The following CLEC12A variants were observed in gnomAD, a reference collection of about 807,000 sequenced individuals.
The protein encoded by CLEC12A is C-type lectin protein CLL-1.
Under a neutral mutation model 26.5 loss-of-function variants are expected in CLEC12A, and 22 were observed. The ratio of observed to expected loss-of-function variants is 0.83; its 90% CI spans 0.59 to 1.19. The LOEUF (loss-of-function observed/expected upper bound fraction) is 1.19, where lower values mean the gene tolerates loss of function less well. Ranked by LOEUF, CLEC12A falls within the 50% of genes most tolerant of loss-of-function variation. CLEC12A has a pLI of 0.00. For missense variants in CLEC12A, 353 were observed against 315.6 expected, an observed-to-expected ratio of 1.12 and a Z score of -0.90; for synonymous variants, 119 against 101.9, an observed-to-expected ratio of 1.17 and a Z score of -1.01.
chr12:9,951,301 A>G (rs770891179), upstream of CLEC12A: 1 of 702,726 alleles, frequency 1.4e-6, no homozygotes, highest in Non-Finnish European at 2.6e-6. Context: ...CCCCAACCAC[A>G]TTTCTGATTG....
At chr12:9,956,980 A>AT (rs902516219) in intron 1 of CLEC12A, among the ~76,000 whole-genome samples, 2 of 135,220 alleles carry the variant, frequency 1.5e-5, no homozygotes, top group East Asian at 2.5e-4. Flanking sequence ...ATAAAAACTA[A>AT]TTTTTAAAAA....
At chr12:9,981,374 C>T (rs1864548514) in intron 4 of CLEC12A, among the ~76,000 whole-genome samples, 1 of 152,100 alleles carries the variant, frequency 6.6e-6, no homozygotes. Flanking sequence ...TCTCACATAG[C>T]AATCATATAT....
the CLEC12A span, among the ~76,000 whole-genome samples, chr12:10,005,418 G>A: frequency 1.3e-5 from 2 of 152,154 alleles, no homozygotes; most frequent in Non-Finnish European, 2.9e-5. Flanking sequence ...TTGGACAATT[G>A]CCCAGGTTTC....
intron 1 of CLEC12A, among the ~76,000 whole-genome samples, chr12:9,957,879 A>G (rs1863768718): frequency 6.6e-6 from 1 of 152,236 alleles, no homozygotes; most frequent in Non-Finnish European, 1.5e-5. Context: ...GGGGACCCCA[A>G]GATTTATTTT....
chr12:9,958,489 T>C (rs535648341), intron 1 of CLEC12A, among the ~76,000 whole-genome samples: 4 of 152,332 alleles, frequency 2.6e-5, no homozygotes, highest in African/African-American at 9.6e-5. Flanking sequence ...GGACTGGCTT[T>C]ATAATGATGT....
At chr12:9,958,820 T>C (rs1176516047) in intron 1 of CLEC12A, among the ~76,000 whole-genome samples, 3 of 152,166 alleles carry the variant, frequency 2.0e-5, no homozygotes, top group Non-Finnish European at 1.5e-5. Context: ...GGAGACAAGA[T>C]AGGGTAATCA....
At chr12:9,993,314 C>A (rs1591846599) in intron 4 of CLEC12A, 2 of 1,586,684 alleles carry the variant, frequency 1.3e-6, no homozygotes, top group Middle Eastern at 1.7e-4. Context: ...AGAATAAATT[C>A]CTTTGAAAAC....
At chr12:9,961,521 A>G (rs1392813893) in intron 1 of CLEC12A, among the ~76,000 whole-genome samples, 1 of 152,236 alleles carries the variant, frequency 6.6e-6, no homozygotes, top group Non-Finnish European at 1.5e-5. Context: ...CTTGTATCAG[A>G]TGAAAGAAAC....
At chr12:9,982,982 A>G (rs1407700123) in intron 5 of CLEC12A, among the ~76,000 whole-genome samples, 1 of 152,046 alleles carries the variant, frequency 6.6e-6, no homozygotes, top group Non-Finnish European at 1.5e-5. Flanking sequence ...TCTTTTTTAT[A>G]CTTGAGTAGT....
chr12:9,992,484 G>C (rs1353628523), intron 4 of CLEC12A: 1 of 152,048 alleles, frequency 6.6e-6, no homozygotes, highest in African/African-American at 2.4e-5. Context: ...TTTCGGGTTG[G>C]TGCTGGTAAG....
In CLEC12A at chr12:9,971,534, CT is replaced by C. The variant is rs1565553897; in HGVS notation, c.-62del. 1 of 1,569,558 alleles carries C rather than the reference CT, an allele frequency of 6.4e-7. No individual in the cohort carries two copies. The highest frequency in any genetic ancestry group is 8.6e-7 in the Non-Finnish European group (1 of 1,160,538). ...TATAGGTCCTGTTTAACATTCAGCT[CT>C]GTTAACTCACTCATCTTTTTGTGTT... On this transcript the variant is annotated 5_prime_UTR_variant, in exon 1 of 6. Transcript: ENST00000304361.
At chr12:9,991,344 A>C (rs1170403057) in intron 4 of CLEC12A, 1 of 152,214 alleles carries the variant, frequency 6.6e-6, no homozygotes, top group Non-Finnish European at 1.5e-5. Flanking sequence ...ATTGGCCTAC[A>C]TTTTTAATTG....
At chr12:9,970,191 G>A (rs1051921055), upstream of CLEC12A, among the ~76,000 whole-genome samples, 1 of 150,922 alleles carries the variant, frequency 6.6e-6, no homozygotes. Context: ...CAGTATTGAC[G>A]CTTCTAATCC....
chr12:10,002,683 C>G, the CLEC12A span, among the ~76,000 whole-genome samples: 1 of 152,174 alleles, frequency 6.6e-6, no homozygotes, highest in Admixed American at 6.5e-5. Context: ...ACCTCGTGAT[C>G]CGCCCGCCTC....
chr12:9,999,004 A>T, downstream of CLEC12A: 4 of 1,272,224 alleles, frequency 3.1e-6, no homozygotes, highest in Admixed American at 1.9e-5. Context: ...TTTTTAAATT[A>T]ATTTCCAAAT....
downstream of CLEC12A, among the ~76,000 whole-genome samples, chr12:10,000,079 G>C (rs758636313): frequency 1.8e-4 from 27 of 152,192 alleles, no homozygotes; most frequent in Non-Finnish European, 3.1e-4. Flanking sequence ...TTTTGCCATA[G>C]GGTAACTCTT....
intron 4 of CLEC12A, chr12:9,992,274 T>C (rs1446264536): frequency 2.0e-5 from 3 of 152,144 alleles, no homozygotes; most frequent in African/African-American, 7.2e-5. Flanking sequence ...GAAGCATTTA[T>C]TCATTTTACA....
chr12:9,987,863 C>T (rs1422774021), downstream of CLEC12A, among the ~76,000 whole-genome samples: 1 of 151,746 alleles, frequency 6.6e-6, no homozygotes, highest in African/African-American at 2.4e-5. Flanking sequence ...GGCTGGAGTG[C>T]AGTGGCATGA....
chr12:9,993,314 C>T, intron 4 of CLEC12A: 1 of 1,586,566 alleles, frequency 6.3e-7, no homozygotes, highest in East Asian at 2.3e-5. Flanking sequence ...AGAATAAATT[C>T]CTTTGAAAAC....
Sources: gnomAD v4.1 joint callset for allele counts (sites outside exome capture counted in the v4.1 genomes callset) on GRCh38, gnomAD v4.1.1 for gene constraint, MANE v1.5 for transcripts, NCBI Gene and HGNC (gene_info 2026-07-23, HGNC 2026-07-21) for gene names.